Variants in RBFOX3 observed in about 807,000 individuals in gnomAD.
The protein encoded by RBFOX3 is RNA binding protein fox-1 homolog 3.
Under a neutral mutation model 48.7 loss-of-function variants are expected in RBFOX3, and 17 were observed. That is an observed-to-expected ratio of 0.35 (90% CI 0.24 to 0.52). The LOEUF is 0.52. Among genes scored for constraint, RBFOX3 ranks in the 20% least tolerant of loss-of-function variants. The pLI, the probability that RBFOX3 is intolerant of heterozygous loss-of-function variation, is 0.94. For synonymous variants in RBFOX3, 212 were observed against 209.5 expected (o/e 1.01, Z -0.10); for missense variants, 382 against 497.5 (o/e 0.77, Z 2.21).
At chr17:79,262,364 T>C (rs1006141032) in intron 3 of RBFOX3, among the ~76,000 whole-genome samples, 1 of 152,258 alleles carries the variant, frequency 6.6e-6, no homozygotes, top group East Asian at 1.9e-4. Flanking sequence ...GCCATGACCC[T>C]GCGCAAGCAG....
At chr17:79,438,706 G>C (rs1432032844) in intron 2 of RBFOX3, among the ~76,000 whole-genome samples, 3 of 152,234 alleles carry the variant, frequency 2.0e-5, no homozygotes, top group Non-Finnish European at 4.4e-5. Context: ...AATCGGACTA[G>C]GTCAGGCCTC....
chr17:79,318,594 C>A (rs2077875234), intron 2 of RBFOX3, among the ~76,000 whole-genome samples: 1 of 152,036 alleles, frequency 6.6e-6, no homozygotes, highest in Non-Finnish European at 1.5e-5. Context: ...GTGGCTCATG[C>A]CTGTAATCCC....
intron 2 of RBFOX3, among the ~76,000 whole-genome samples, chr17:79,389,687 C>T (rs1178181738): frequency 2.0e-5 from 3 of 152,196 alleles, no homozygotes; most frequent in Non-Finnish European, 2.9e-5. Flanking sequence ...GTGGGACAGA[C>T]GACATGCCTT....
rs541450829 is a variant in RBFOX3, at chr17:79,189,008, A to G, written c.-34+46758T>C. 5.3e-5 allele frequency among the ~76,000 whole-genome samples: 8 copies of G among 152,348 alleles called. No homozygotes were observed. The South Asian group carries it at 1.7e-3, about 32-fold the overall frequency. ...TTTGGCAAACTGGGCCCAGAATCCC[A>G]CAGAAGCCAAAGGAAGAGGGGGGCA... On this transcript the variant is annotated intron_variant, in intron 4 of 14. Coordinates refer to ENST00000693108, the MANE Select transcript of RBFOX3 (RefSeq NM_001350451.2).
chr17:79,377,603 C>CGGTGACA (rs1295391422), intron 2 of RBFOX3, among the ~76,000 whole-genome samples: 1 of 152,184 alleles, frequency 6.6e-6, no homozygotes, highest in African/African-American at 2.4e-5. Flanking sequence ...GGCGGTTCCA[C>CGGTGACA]GGTGACAGCC....
rs200129305 is a variant in RBFOX3 at position 79,337,184 on chromosome 17, C to CGT, written c.-174-29362_-174-29361dup. Among the ~76,000 whole-genome samples, 1,039 of 152,218 alleles carry CGT rather than the reference C, an allele frequency of 6.8e-3. 22 individuals carry two copies. The highest frequency in any genetic ancestry group is 0.024 in the African/African-American group (990 of 41,540). ...ACTCTCACACCACGGGAAAGGACCACGTCATCTTGGCTCCTCCTAGGATCA... is the reference window on the plus strand; with the variant it reads ...ACTCTCACACCACGGGAAAGGACCACGTGTCATCTTGGCTCCTCCTAGGATCA... On this transcript the variant is annotated intron_variant, in intron 2 of 14. Transcript: ENST00000693108.
At chr17:79,493,869 C>T (rs1016365190) in intron 1 of RBFOX3, among the ~76,000 whole-genome samples, 12 of 152,236 alleles carry the variant, frequency 7.9e-5, no homozygotes, top group African/African-American at 2.2e-4. Context: ...ACACCCGCCG[C>T]GGCAGTAGGG....
chr17:79,407,544 G>A (rs1486130108), intron 2 of RBFOX3, among the ~76,000 whole-genome samples: 2 of 152,232 alleles, frequency 1.3e-5, no homozygotes, highest in Admixed American at 1.3e-4. Flanking sequence ...TTTGGCTGGA[G>A]AGCAAGACGG....
At chr17:79,382,592 CT>C in intron 2 of RBFOX3, among the ~76,000 whole-genome samples, 1 of 152,304 alleles carries the variant, frequency 6.6e-6, no homozygotes. Context: ...GAAGCCAACC[CT>C]TGCGGTCATG....
chr17:79,560,554 G>A (rs1371748934), intron 1 of RBFOX3, among the ~76,000 whole-genome samples: 4 of 152,172 alleles, frequency 2.6e-5, no homozygotes, highest in African/African-American at 4.8e-5. Context: ...CGACCATGGC[G>A]TGTCCAGGAA....
intron 2 of RBFOX3, among the ~76,000 whole-genome samples, chr17:79,374,506 C>T (rs375495655): frequency 1.7e-4 from 26 of 152,216 alleles, no homozygotes; most frequent in African/African-American, 6.3e-4. Context: ...CTTAGGGCAG[C>T]AAATAAAACC....
intron 4 of RBFOX3, among the ~76,000 whole-genome samples, chr17:79,207,350 ACCTGAGTGAGGC>A (rs201539411): frequency 0.017 from 2,550 of 152,314 alleles, 49 homozygotes; most frequent in African/African-American, 0.041. Flanking sequence ...TCACTGCTGG[ACCTGAGTGAGGC>A]CCCCAGTGTC....
intron 6 of RBFOX3, among the ~76,000 whole-genome samples, chr17:79,106,231 C>T (rs2077342021): frequency 6.6e-6 from 1 of 152,044 alleles, no homozygotes; most frequent in Admixed American, 6.5e-5. Context: ...GTTGAGCTGC[C>T]CCTCCAGGTA....
At chr17:79,130,062 A>T (rs1193290559) in intron 4 of RBFOX3, among the ~76,000 whole-genome samples, 1 of 152,186 alleles carries the variant, frequency 6.6e-6, no homozygotes. Context: ...GGAGGTGCCC[A>T]GGCCTGGAGC....
intron 2 of RBFOX3, among the ~76,000 whole-genome samples, chr17:79,336,266 A>G (rs1022863580): frequency 6.6e-6 from 1 of 152,022 alleles, no homozygotes; most frequent in Non-Finnish European, 1.5e-5. Context: ...ATACGTCTGT[A>G]CTCCCAGCTA....
At chr17:79,521,774 G>A (rs992872117) in intron 1 of RBFOX3, among the ~76,000 whole-genome samples, 4 of 152,096 alleles carry the variant, frequency 2.6e-5, no homozygotes, top group African/African-American at 9.7e-5. Context: ...CGCACACACA[G>A]ACAAGTGTGG....
chr17:79,341,105 T>C (rs1021427263), intron 2 of RBFOX3, among the ~76,000 whole-genome samples: 4 of 152,160 alleles, frequency 2.6e-5, no homozygotes, highest in Non-Finnish European at 4.4e-5. Flanking sequence ...GTGTGTGCAG[T>C]CATGTGAGTG....
chr17:79,197,130 GGAGGTGCACCAGTTCCT>G (rs1436879774), intron 4 of RBFOX3, among the ~76,000 whole-genome samples: 1 of 152,112 alleles, frequency 6.6e-6, no homozygotes, highest in Non-Finnish European at 1.5e-5. Flanking sequence ...TAAAATGGAA[GGAGGTGCACCAGTTCCT>G]GTGAGCTGTG....
intron 2 of RBFOX3, among the ~76,000 whole-genome samples, chr17:79,322,342 A>G (rs1364338624): frequency 1.3e-5 from 2 of 152,188 alleles, no homozygotes; most frequent in Non-Finnish European, 2.9e-5. Context: ...TCCGAACTGG[A>G]ATGCTGATGG....
Sources: gnomAD v4.1 joint callset for allele counts (sites outside exome capture counted in the v4.1 genomes callset) on GRCh38, gnomAD v4.1.1 for gene constraint, MANE v1.5 for transcripts, NCBI Gene and HGNC (gene_info 2026-07-23, HGNC 2026-07-21) for gene names.